The following REEP1 variants were observed in gnomAD, a reference collection of about 807,000 sequenced individuals.
The protein encoded by REEP1 is receptor expression-enhancing protein 1.
REEP1 carries 22 observed loss-of-function variants against 40.3 expected under a neutral mutation model. That is an observed-to-expected ratio of 0.55 (90% CI 0.39 to 0.78). The LOEUF is 0.78. REEP1 is among the 30% of genes least tolerant of loss of function. REEP1 has a pLI of 0.00. For missense variants in REEP1, 280 were observed against 361.1 expected (o/e 0.78, Z 1.82); for synonymous variants, 116 against 139.2 (o/e 0.83, Z 1.17).
chr2:86,323,032 T>C (rs76796253), intron 1 of REEP1, among the ~76,000 whole-genome samples: 5 of 152,236 alleles, frequency 3.3e-5, no homozygotes, highest in East Asian at 1.9e-4. Flanking sequence ...ACAATGTCTC[T>C]ACACAAAATT....
At chr2:86,256,976 G>A (rs12466728) in intron 3 of REEP1, among the ~76,000 whole-genome samples, 63,586 of 151,880 alleles carry the variant, frequency 0.42, 14,784 homozygotes, top group East Asian at 0.65. Flanking sequence ...CCTTACCCAC[G>A]CCTCCTTTCC....
Position 86,337,479 on chromosome 2 carries a change from A to G in REEP1, c.32T>C (p.Val11Ala). 1 of 1,289,048 alleles carries G rather than the reference A, an allele frequency of 7.8e-7. No individual in the cohort carries two copies. The highest frequency in any genetic ancestry group is 9.9e-7 in the Non-Finnish European group (1 of 1,011,474). 79.9% of individuals were successfully genotyped at this position (1,289,048 alleles called of 1,614,324 possible). MVSWIISRLV[V>A]LIFGTLYPAY... ...GGGCGCGGGGGAGAAGGCCACTTAC[A>G]CCACCAGCCTGGAGATGATCCATGA... Residue 11 changes from valine to alanine, a missense_variant and splice_region_variant, in exon 1 of 9, where the codon GTG becomes GCG. Around this residue, in one of 3 missense-constraint regions of REEP1, gnomAD observed 68 missense variants for 83.7 expected, o/e 0.81. Coordinates refer to ENST00000538924, the MANE Select transcript of REEP1 (RefSeq NM_001371279.1). The surrounding 1 kb of genome is among the most constrained non-coding windows in gnomAD (Gnocchi z 5.8).
At chr2:86,232,906 G>C in intron 5 of REEP1, 104 bp from the exon 6 acceptor site, 1 of 1,161,058 alleles carries the variant, frequency 8.6e-7, no homozygotes, top group Non-Finnish European at 1.2e-6. Flanking sequence ...TGGAAATCAA[G>C]ACCTGGATCA....
At chr2:86,278,556 C>A (rs1228072886) in intron 2 of REEP1, among the ~76,000 whole-genome samples, 1 of 152,154 alleles carries the variant, frequency 6.6e-6, no homozygotes, top group Non-Finnish European at 1.5e-5. Context: ...TTTGGGGTAG[C>A]CTAAGAGGCA....
At chr2:86,313,294 T>A (rs919740959) in intron 1 of REEP1, among the ~76,000 whole-genome samples, 2 of 149,300 alleles carry the variant, frequency 1.3e-5, no homozygotes, top group African/African-American at 5.0e-5. Flanking sequence ...GTTTTTCTTT[T>A]CTTTTCTTTT....
intron 1 of REEP1, chr2:86,297,685 T>C (rs1679051693): frequency 2.0e-6 from 2 of 984,938 alleles, no homozygotes; most frequent in Non-Finnish European, 2.4e-6. Flanking sequence ...AAGGTGGATG[T>C]TTTCTGAAGC....
At chr2:86,321,588 T>C (rs886991766) in intron 1 of REEP1, among the ~76,000 whole-genome samples, 5 of 152,074 alleles carry the variant, frequency 3.3e-5, no homozygotes, top group African/African-American at 1.2e-4. Context: ...TCATTTTAAC[T>C]AGAAAAAAGA....
chr2:86,335,781 G>A (rs1455438048), intron 1 of REEP1, among the ~76,000 whole-genome samples: 1 of 151,032 alleles, frequency 6.6e-6, no homozygotes, highest in Admixed American at 6.6e-5. Context: ...CCCAGGAGGC[G>A]GAGGCTTCAG....
At chr2:86,273,182 C>G (rs115004105) in intron 2 of REEP1, among the ~76,000 whole-genome samples, 1,695 of 150,940 alleles carry the variant, frequency 0.011, 34 homozygotes, top group African/African-American at 0.039. Flanking sequence ...GGGTGACTTT[C>G]TTTCCTAGTT....
intron 7 of REEP1, among the ~76,000 whole-genome samples, chr2:86,224,300 G>C (rs1244544227): frequency 6.6e-6 from 1 of 152,208 alleles, no homozygotes; most frequent in East Asian, 1.9e-4. Flanking sequence ...GGACCAGGAG[G>C]AAAGTGTCCC....
At chr2:86,254,368 G>C (rs1414375228) in intron 4 of REEP1, among the ~76,000 whole-genome samples, 2 of 152,160 alleles carry the variant, frequency 1.3e-5, no homozygotes, top group Non-Finnish European at 2.9e-5. Context: ...TAAAAATCAT[G>C]TCTATAAAAG....
intron 1 of REEP1, among the ~76,000 whole-genome samples, chr2:86,329,294 A>C (rs1680654384): frequency 6.6e-6 from 1 of 152,162 alleles, no homozygotes; most frequent in African/African-American, 2.4e-5. Flanking sequence ...TTTGGGCAGG[A>C]AAACAGGGAT....
chr2:86,232,909 C>A, intron 5 of REEP1, 107 bp from the exon 6 acceptor site: 1 of 1,123,340 alleles, frequency 8.9e-7, no homozygotes, highest in South Asian at 1.3e-5. Context: ...AAATCAAGAC[C>A]TGGATCAACT....
At chr2:86,290,506 C>T (rs1056332049) in intron 1 of REEP1, among the ~76,000 whole-genome samples, 7 of 152,184 alleles carry the variant, frequency 4.6e-5, no homozygotes, top group Admixed American at 1.3e-4. Flanking sequence ...TGAGGTGTGT[C>T]GTGGCTCTCC....
At chr2:86,324,997 C>T (rs933001545) in intron 1 of REEP1, among the ~76,000 whole-genome samples, 1 of 152,168 alleles carries the variant, frequency 6.6e-6, no homozygotes, top group African/African-American at 2.4e-5. Context: ...TATCCATTAT[C>T]CCCTCACCAC....
intron 1 of REEP1, among the ~76,000 whole-genome samples, chr2:86,302,274 G>C (rs546452824): frequency 6.6e-6 from 1 of 152,232 alleles, no homozygotes; most frequent in Non-Finnish European, 1.5e-5. Flanking sequence ...CAATGGGACA[G>C]GTTTTTCTCT....
chr2:86,282,091 GA>G (rs1678126970), intron 2 of REEP1, 78 bp downstream of exon 2: 1 of 942,112 alleles, frequency 1.1e-6, no homozygotes, highest in African/African-American at 1.6e-5. Context: ...CCATAGCACG[GA>G]GGGCATCCCC....
intron 1 of REEP1, among the ~76,000 whole-genome samples, chr2:86,291,971 C>T (rs1678727944): frequency 6.6e-6 from 1 of 152,176 alleles, no homozygotes; most frequent in Admixed American, 6.5e-5. Flanking sequence ...CACACAAATC[C>T]CTCAACCACA....
At chr2:86,255,331 C>A (rs1423992927) in intron 3 of REEP1, among the ~76,000 whole-genome samples, 1 of 152,210 alleles carries the variant, frequency 6.6e-6, no homozygotes, top group Non-Finnish European at 1.5e-5. Context: ...TTGGCCCAAA[C>A]AGAGGCAGGG....
Sources: allele counts gnomAD v4.1 joint callset (sites outside exome capture counted in the v4.1 genomes callset), GRCh38; gene constraint gnomAD v4.1.1; regional missense constraint gnomAD v4.1.1; non-coding constraint Gnocchi (gnomAD v3.1); transcripts MANE v1.5; gene names NCBI Gene and HGNC (gene_info 2026-07-23, HGNC 2026-07-21).